SLC43A1: variants seen among roughly 807,000 people sequenced by gnomAD.
SLC43A1 encodes the protein solute carrier family 43 member 1.
In SLC43A1, 31 loss-of-function variants were observed where a neutral mutation model predicts 59.5. The observed-to-expected ratio is 0.52, with a 90% CI of 0.39 to 0.70. The LOEUF (loss-of-function observed/expected upper bound fraction) is 0.70. Among genes scored for constraint, SLC43A1 ranks in the 30% least tolerant of loss-of-function variants. The pLI, the probability that SLC43A1 is intolerant of heterozygous loss-of-function variation, is 0.00. For missense variants in SLC43A1, 598 were observed against 717.8 expected (o/e 0.83, Z 1.91); for synonymous variants, 259 against 290.9 (o/e 0.89, Z 1.12).
At chr11:57,494,273 T>C in intron 7 of SLC43A1, 102 bp from the exon 8 acceptor site, 1 of 1,066,636 alleles carries the variant, frequency 9.4e-7, no homozygotes, top group Non-Finnish European at 1.3e-6. Flanking sequence ...AGCACTCCTT[T>C]ACCCGGCATT....
At chr11:57,507,597 T>G (rs780946210) in intron 2 of SLC43A1, among the ~76,000 whole-genome samples, 1 of 152,222 alleles carries the variant, frequency 6.6e-6, no homozygotes, top group Non-Finnish European at 1.5e-5. Context: ...GAGCTGTGTT[T>G]ATACCACTGG....
chr11:57,490,465 A>G (rs1423175546), intron 11 of SLC43A1, among the ~76,000 whole-genome samples: 1 of 152,204 alleles, frequency 6.6e-6, no homozygotes. Flanking sequence ...AAGTGATGGT[A>G]TGCTACGTCT....
chr11:57,485,131 G>A lies in SLC43A1; in HGVS notation c.1645C>T (p.Leu549=), dbSNP rs1326227003. The A allele has an allele frequency of 3.1e-6, 5 of 1,614,136 alleles. No individual in the cohort carries two copies. Among genetic ancestry groups the A allele is most frequent in the South Asian group, 1.1e-5 (1 of 91,086 alleles). ...QEYAANGMGP[L]KVLSGSEVTA ...ACCTCAGAGCCGCTAAGCACCTTCA[G>A]TGGGCCCATCCCATTGGCGGCGTAC... Residue 549 remains leucine, a synonymous_variant, in exon 15 of 15, where the codon CTG becomes TTG. Transcript: ENST00000278426.
At chr11:57,500,913 G>A (rs1944243044) in intron 4 of SLC43A1, 58 bp from the exon 5 acceptor site, 38 of 1,604,782 alleles carry the variant, frequency 2.4e-5, no homozygotes, top group South Asian at 1.4e-4. Context: ...AGCCAAGGGC[G>A]GGAGCTGGGG....
chr11:57,492,735 C>CCA lies in SLC43A1; in HGVS notation c.872-874_872-873insTG, dbSNP rs780608153. ...ACAGCAATACCCTGTCTCTATTTTA[C>CCA]AAAAAAAAAAAAAAAAAAAAACCTG... On this transcript the variant is annotated intron_variant, in intron 8 of 14. Coordinates refer to ENST00000278426, the MANE Select transcript of SLC43A1 (RefSeq NM_003627.6). Among the ~76,000 whole-genome samples the CCA allele has an allele frequency of 1.4e-3, 118 of 83,520 alleles. 1 individual carries two copies. The highest frequency in any genetic ancestry group is 5.1e-3 in the African/African-American group (103 of 20,206). 54.8% of individuals were successfully genotyped at this position (83,520 alleles called of 152,430 possible). A position where few individuals can be genotyped will look rare whatever the true frequency, so the allele number is the denominator to read the frequency against.
intron 2 of SLC43A1, 93 bp downstream of exon 2, chr11:57,513,865 T>A: frequency 9.9e-7 from 1 of 1,012,540 alleles, no homozygotes. Flanking sequence ...CTGACCCTGC[T>A]TTCTGTCCAC....
intron 2 of SLC43A1, among the ~76,000 whole-genome samples, chr11:57,508,042 G>A (rs1410932628): frequency 1.3e-5 from 2 of 152,220 alleles, no homozygotes; most frequent in East Asian, 1.9e-4. Context: ...CAAGGCGGGT[G>A]GATCACCTGA....
At chr11:57,504,913 T>C (rs975839911) in intron 2 of SLC43A1, among the ~76,000 whole-genome samples, 7 of 152,220 alleles carry the variant, frequency 4.6e-5, no homozygotes, top group East Asian at 1.9e-4. Flanking sequence ...CTCTGAGTAG[T>C]TGGATAAAAA....
chr11:57,505,434 CCCAGGAG>C (rs1275102347), intron 2 of SLC43A1, among the ~76,000 whole-genome samples: 1 of 151,992 alleles, frequency 6.6e-6, no homozygotes, highest in Non-Finnish European at 1.5e-5. Flanking sequence ...ATCGCTTGAA[CCCAGGAG>C]GCAGAGGTTC....
At chr11:57,491,692 C>T (rs938201926) in intron 9 of SLC43A1, 24 bp downstream of exon 9, 1 of 1,614,242 alleles carries the variant, frequency 6.2e-7, no homozygotes. Flanking sequence ...CCCCCAACCC[C>T]CAGGGGCCTC....
At chr11:57,498,730 C>T (rs776163572) in intron 5 of SLC43A1, among the ~76,000 whole-genome samples, 1 of 152,164 alleles carries the variant, frequency 6.6e-6, no homozygotes, top group Non-Finnish European at 1.5e-5. Flanking sequence ...AGGGAGGGAA[C>T]TGAGCCAGGG....
chr11:57,493,852 G>A lies in SLC43A1; in HGVS notation c.871+141C>T, dbSNP rs1177967543. 5.4e-6 allele frequency: 4 copies of A among 737,276 alleles called. No individual in the cohort carries two copies. The East Asian group carries it at 1.3e-4, about 24-fold the overall frequency. 45.7% of individuals were successfully genotyped at this position (737,276 alleles called of 1,614,324 possible). A position where few individuals can be genotyped will look rare whatever the true frequency, so the allele number is the denominator to read the frequency against. On this transcript the variant is annotated intron_variant, in intron 8 of 14. Coordinates refer to ENST00000278426, the MANE Select transcript of SLC43A1 (RefSeq NM_003627.6). ...AGCTTTGATGTGCCCATCTGTAAAT[G>A]AGGAGCATGCCCCACCTACATCATG...
rs531238746 is a variant in SLC43A1 at position 57,500,760 on chromosome 11, C to T, written c.465+19G>A. ...CACTCGGGGGAACTCTGCTGCCAGG[C>T]CAGGCCTGTGACACTCACCGTGAGT... On this transcript the variant is annotated intron_variant, in intron 5 of 14. Transcript: ENST00000278426. 1.5e-5 allele frequency: 25 copies of T among 1,613,154 alleles called. No individual in the cohort carries two copies. The highest frequency in any genetic ancestry group is 2.0e-5 in the Non-Finnish European group (24 of 1,179,248).
chr11:57,488,747 G>C (rs919237265), intron 13 of SLC43A1, among the ~76,000 whole-genome samples, 169 bp downstream of exon 13: 4 of 152,224 alleles, frequency 2.6e-5, no homozygotes, highest in African/African-American at 9.6e-5. Flanking sequence ...CCAACAGGGG[G>C]AGTCAATTAC....
Position 57,501,169 on chromosome 11 carries a change from G to C in SLC43A1, c.315C>G (p.Pro105=), listed in dbSNP as rs761908065. The C allele has an allele frequency of 6.2e-7, 1 of 1,612,484 alleles. No homozygotes were observed. The highest frequency in any genetic ancestry group is 2.2e-5 in the East Asian group (1 of 44,888). Residue 105 remains proline (P), a synonymous_variant, in exon 3 of 15, where the codon CCC becomes CCG. Transcript: ENST00000278426. Reference sequence around the variant, plus strand: ...CACCTCACCTGCCAACCAGCCGCACGGGTCGGGGGCCAAAGCGGTCCATGA... The same window carrying C: ...CACCTCACCTGCCAACCAGCCGCACCGGTCGGGGGCCAAAGCGGTCCATGA... The part of the protein sequence containing the change: ...GILMDRFGPR[P]VRLVGSACFT...
intron 2 of SLC43A1, among the ~76,000 whole-genome samples, chr11:57,511,385 G>A (rs1490237059): frequency 1.3e-5 from 2 of 151,900 alleles, no homozygotes; most frequent in Non-Finnish European, 2.9e-5. Context: ...CTGTGATTGT[G>A]CCTCTGCACT....
chr11:57,513,609 G>A (rs780559971), intron 2 of SLC43A1, among the ~76,000 whole-genome samples: 12 of 152,196 alleles, frequency 7.9e-5, no homozygotes, highest in Non-Finnish European at 1.5e-4. Context: ...TCCACTTTGT[G>A]CAGCTCTCCC....
chr11:57,496,312 G>T (rs1366679233), intron 6 of SLC43A1, 148 bp from the exon 7 acceptor site: 6 of 845,574 alleles, frequency 7.1e-6, no homozygotes, highest in Non-Finnish European at 1.1e-5. Flanking sequence ...AAGACCAGAA[G>T]TTTAGAGTCA....
At position 57,501,201 on chromosome 11, in the gene SLC43A1, C is replaced by T; in HGVS notation, c.283G>A (p.Gly95Arg). The T allele has an allele frequency of 1.2e-6, 2 of 1,612,460 alleles. No individual in the cohort carries two copies. The change falls in exon 3 of 15, where the codon GGG becomes AGG. Residue 95 changes from glycine to arginine, a missense_variant. Transcript: ENST00000278426. The stretch of plus-strand genomic sequence containing the variant: ...GGGCCAAAGCGGTCCATGAGGATCC[C>T]CAGTGGCAGGGTGGTGGCGCTGAGC... ...FVLSATTLPL[G>R]ILMDRFGPRP...
Sources: gnomAD v4.1 joint callset for allele counts (sites outside exome capture counted in the v4.1 genomes callset) on GRCh38, gnomAD v4.1.1 for gene constraint, MANE v1.5 for transcripts, NCBI Gene and HGNC (gene_info 2026-07-23, HGNC 2026-07-21) for gene names.